Variants in NRG1 observed in about 807,000 individuals in gnomAD.
NRG1 encodes neuregulin 1, also known as pro-neuregulin-1, membrane-bound isoform.
A neutral mutation model predicts 63.8 loss-of-function variants in NRG1; 18 were observed. The observed-to-expected ratio is 0.28, with a 90% CI of 0.19 to 0.42. The LOEUF (loss-of-function observed/expected upper bound fraction) is 0.42. NRG1 is among the 10% of genes least tolerant of loss of function. The pLI, the probability that NRG1 is intolerant of heterozygous loss-of-function variation, is 1.00. For synonymous variants in NRG1, 302 were observed against 301.3 expected (o/e 1.00, Z -0.02); for missense variants, 762 against 814.7 (o/e 0.94, Z 0.79).
chr8:32,214,206 T>C (rs1586136558), intron 1 of NRG1, among the ~76,000 whole-genome samples: 3 of 152,110 alleles, frequency 2.0e-5, no homozygotes. Flanking sequence ...TATAGCTGTT[T>C]TCTCTCAAAA....
intron 1 of NRG1, among the ~76,000 whole-genome samples, chr8:32,184,013 A>G (rs1263753098): frequency 2.0e-5 from 3 of 152,140 alleles, no homozygotes; most frequent in Non-Finnish European, 2.9e-5. Flanking sequence ...TTAGAATGTG[A>G]TAGAATCTTG....
intron 1 of NRG1, among the ~76,000 whole-genome samples, chr8:32,267,135 A>G (rs1851052174): frequency 6.7e-6 from 1 of 149,802 alleles, no homozygotes; most frequent in Admixed American, 6.7e-5. Flanking sequence ...AGGAAGGAGA[A>G]AGAAGGAAGG....
chr8:32,304,946 C>T (rs894462404), intron 1 of NRG1, among the ~76,000 whole-genome samples: 8 of 152,106 alleles, frequency 5.3e-5, no homozygotes, highest in Admixed American at 2.0e-4. Context: ...ACCCAGGAGG[C>T]GGAGGTTACA....
At chr8:32,391,607 A>G (rs1216123782) in intron 1 of NRG1, among the ~76,000 whole-genome samples, 1 of 152,150 alleles carries the variant, frequency 6.6e-6, no homozygotes, top group African/African-American at 2.4e-5. Context: ...AAGTGAGAAT[A>G]TGTGGTATTT....
intron 1 of NRG1, among the ~76,000 whole-genome samples, chr8:32,072,329 T>C (rs1293399234): frequency 6.6e-6 from 1 of 151,838 alleles, no homozygotes; most frequent in East Asian, 1.9e-4. Context: ...GTCATTCTGT[T>C]CCCTTTTGGG....
At chr8:32,098,937 T>A (rs1204336623) in intron 1 of NRG1, 1 of 152,176 alleles carries the variant, frequency 6.6e-6, no homozygotes, top group Non-Finnish European at 1.5e-5. Flanking sequence ...GTAAAGGCAG[T>A]GAGCAGGAAT....
intron 1 of NRG1, among the ~76,000 whole-genome samples, chr8:32,085,635 T>G (rs2131203441): frequency 6.6e-6 from 1 of 152,316 alleles, no homozygotes; most frequent in Non-Finnish European, 1.5e-5. Flanking sequence ...CAATTTTTCT[T>G]TCATTATTCC....
At chr8:31,850,466 G>A (rs558757170) in intron 1 of NRG1, among the ~76,000 whole-genome samples, 1 of 152,284 alleles carries the variant, frequency 6.6e-6, no homozygotes, top group East Asian at 1.9e-4. Context: ...TGAAAAACAA[G>A]AGGAACTTTG....
chr8:31,651,219 T>TA (rs1011607428), intron 1 of NRG1, among the ~76,000 whole-genome samples: 4 of 152,134 alleles, frequency 2.6e-5, no homozygotes, highest in African/African-American at 9.7e-5. Flanking sequence ...TTGTGTCATT[T>TA]AAAAAAATAT....
rs569830764 is a variant in NRG1, at chr8:31,878,214, T to A, written c.37+238783T>A. 3.3e-5 allele frequency among the ~76,000 whole-genome samples: 5 copies of A among 152,326 alleles called. No homozygotes were observed. The South Asian group carries it at 8.3e-4, about 25-fold the overall frequency. ...TGCTATGTTTTCAAATATAGTTTTT[T>A]TCTATTGCTATATATGGAAATTCTT... On this transcript the variant is annotated intron_variant, in intron 1 of 10. Coordinates refer to the NRG1 transcript ENST00000519301.
intron 1 of NRG1, among the ~76,000 whole-genome samples, chr8:32,196,108 A>G (rs1319059685): frequency 1.5e-5 from 2 of 132,962 alleles, no homozygotes; most frequent in East Asian, 4.1e-4. Flanking sequence ...AATGTGCAGT[A>G]AAAACAATGA....
At chr8:31,774,771 A>C (rs923493925) in intron 1 of NRG1, among the ~76,000 whole-genome samples, 1 of 152,222 alleles carries the variant, frequency 6.6e-6, no homozygotes, top group African/African-American at 2.4e-5. Flanking sequence ...GGGGGCTTTA[A>C]AGTACACGAA....
intron 5 of NRG1, among the ~76,000 whole-genome samples, chr8:32,708,813 C>G (rs1367171932): frequency 2.6e-5 from 4 of 152,094 alleles, no homozygotes; most frequent in Non-Finnish European, 2.9e-5. Context: ...GGTTCCTGCT[C>G]TATTGCTTGT....
intron 5 of NRG1, among the ~76,000 whole-genome samples, chr8:32,625,774 C>G (rs1849115305): frequency 7.8e-6 from 1 of 128,662 alleles, no homozygotes; most frequent in Admixed American, 7.9e-5. Flanking sequence ...CTTTCCCTCT[C>G]TTTTTTTTTT....
At chr8:31,869,881 T>A (rs191915940) in intron 1 of NRG1, among the ~76,000 whole-genome samples, 1 of 152,334 alleles carries the variant, frequency 6.6e-6, no homozygotes, top group East Asian at 1.9e-4. Flanking sequence ...AAGCAGGGTG[T>A]GACCTTATTG....
chr8:32,208,509 C>T lies in NRG1; in HGVS notation c.38-387319C>T, dbSNP rs138064344. Among the ~76,000 whole-genome samples, 453 of 152,148 alleles carry T rather than the reference C, an allele frequency of 3.0e-3. 2 individuals carry two copies. Among genetic ancestry groups the T allele is most frequent in the African/African-American group, 0.01 (429 of 41,528 alleles). ...CTAACCTCAGGTGATCCGCCCACGT[C>T]GGCCTCCCAAAGTGCTGGGATTACA... On this transcript the variant is annotated intron_variant, in intron 1 of 10. Coordinates refer to the NRG1 transcript ENST00000519301.
exon 12 of NRG1, chr8:32,767,138 C>T (rs1831490288): frequency 6.6e-6 from 1 of 152,210 alleles, no homozygotes; most frequent in African/African-American, 2.4e-5. Flanking sequence ...TCTTACTTTC[C>T]CTTCCTGCCT....
At chr8:32,204,756 G>A (rs1425112721) in intron 1 of NRG1, among the ~76,000 whole-genome samples, 1 of 152,130 alleles carries the variant, frequency 6.6e-6, no homozygotes, top group Non-Finnish European at 1.5e-5. Flanking sequence ...TGATCATCTT[G>A]ATGATAGTTT....
chr8:32,305,225 TAA>T (rs1185035980), intron 1 of NRG1, among the ~76,000 whole-genome samples: 7 of 152,138 alleles, frequency 4.6e-5, no homozygotes, highest in Non-Finnish European at 8.8e-5. Flanking sequence ...TAAAGACAGA[TAA>T]AACTTTAAAA....
Sources: allele counts gnomAD v4.1 joint callset (sites outside exome capture counted in the v4.1 genomes callset), GRCh38; gene constraint gnomAD v4.1.1; transcripts MANE v1.5; gene names NCBI Gene and HGNC (gene_info 2026-07-23, HGNC 2026-07-21).